Variants in OR1J2 observed in about 807,000 individuals in gnomAD.
The protein encoded by OR1J2 is olfactory receptor 1J2.
For missense variants in OR1J2, 304 were observed against 246.1 expected (o/e 1.24, Z -1.57); for synonymous variants, 142 against 99.7 (o/e 1.42, Z -2.52).
At chr9:122,453,589 G>A in the OR1J2 span, among the ~76,000 whole-genome samples, 1 of 152,140 alleles carries the variant, frequency 6.6e-6, no homozygotes, top group Admixed American at 6.5e-5. Flanking sequence ...CAGTTCCCAG[G>A]GGCTGTTCAG....
At chr9:122,549,915 T>C in the OR1J2 span, among the ~76,000 whole-genome samples, 1 of 152,192 alleles carries the variant, frequency 6.6e-6, no homozygotes, top group Non-Finnish European at 1.5e-5. Flanking sequence ...GGTATTTTGA[T>C]AGGAATTGCA....
chr9:122,577,323 C>A, the OR1J2 span, among the ~76,000 whole-genome samples: 12 of 152,102 alleles, frequency 7.9e-5, no homozygotes, highest in Non-Finnish European at 1.3e-4. Flanking sequence ...TTATTGTAGG[C>A]AGACTTCAAA....
the OR1J2 span, among the ~76,000 whole-genome samples, chr9:122,501,589 A>G: frequency 2.0e-5 from 3 of 152,206 alleles, no homozygotes; most frequent in Non-Finnish European, 4.4e-5. Context: ...ACGTGCCGAG[A>G]GAAAAGAAAG....
chr9:122,553,268 ACT>A, the OR1J2 span: 2 of 1,613,574 alleles, frequency 1.2e-6, no homozygotes, highest in Non-Finnish European at 1.7e-6. Flanking sequence ...TCCTTCTAGG[ACT>A]CTCTGAGTGG....
the OR1J2 span, among the ~76,000 whole-genome samples, chr9:122,460,478 T>C: frequency 2.0e-5 from 3 of 152,196 alleles, no homozygotes; most frequent in Non-Finnish European, 4.4e-5. Context: ...ATATGCCTGT[T>C]TTTATACCAG....
chr9:122,553,538 GT>G, the OR1J2 span: 2 of 1,614,060 alleles, frequency 1.2e-6, no homozygotes, highest in Non-Finnish European at 1.7e-6. Flanking sequence ...TCCTCCTTAT[GT>G]TTGGTGGCCT....
At chr9:122,553,459 A>C in the OR1J2 span, 2 of 1,613,974 alleles carry the variant, frequency 1.2e-6, no homozygotes, top group Non-Finnish European at 8.5e-7. Flanking sequence ...TCCATCCCCA[A>C]AATGCTGGCC....
At chr9:122,474,417 C>T in the OR1J2 span, among the ~76,000 whole-genome samples, 1 of 152,176 alleles carries the variant, frequency 6.6e-6, no homozygotes, top group African/African-American at 2.4e-5. Context: ...TCACTTCCGC[C>T]TGATGTGGGA....
the OR1J2 span, among the ~76,000 whole-genome samples, chr9:122,573,193 T>C: frequency 6.0e-3 from 919 of 152,220 alleles, 15 homozygotes; most frequent in African/African-American, 0.02. Flanking sequence ...CTCAGGGGAG[T>C]TTGTCCTGTG....
At chr9:122,456,061 C>T in the OR1J2 span, among the ~76,000 whole-genome samples, 2 of 152,094 alleles carry the variant, frequency 1.3e-5, no homozygotes, top group African/African-American at 2.4e-5. Context: ...GTTATTTATC[C>T]TTATGCTAGT....
the OR1J2 span, among the ~76,000 whole-genome samples, chr9:122,481,446 A>T: frequency 6.6e-6 from 1 of 152,192 alleles, no homozygotes; most frequent in East Asian, 1.9e-4. Flanking sequence ...TCAACAAAAC[A>T]CTAGTATTCC....
At chr9:122,533,757 C>T in the OR1J2 span, among the ~76,000 whole-genome samples, 1 of 152,020 alleles carries the variant, frequency 6.6e-6, no homozygotes, top group East Asian at 1.9e-4. Context: ...GGAAACAGGC[C>T]CTTGAAAAGA....
At chr9:122,577,064 G>C in the OR1J2 span, among the ~76,000 whole-genome samples, 2 of 152,160 alleles carry the variant, frequency 1.3e-5, no homozygotes, top group African/African-American at 2.4e-5. Context: ...GGCAGGAAAA[G>C]GAGATACTTT....
chr9:122,448,675 G>A, the OR1J2 span, among the ~76,000 whole-genome samples: 1 of 152,240 alleles, frequency 6.6e-6, no homozygotes, highest in South Asian at 2.1e-4. Context: ...GGAGAATGGT[G>A]ATGACTTTTA....
the OR1J2 span, among the ~76,000 whole-genome samples, chr9:122,458,339 G>A: frequency 1.3e-5 from 2 of 152,166 alleles, no homozygotes; most frequent in African/African-American, 4.8e-5. Context: ...TAGTTGAATT[G>A]TGGTGTGCTA....
chr9:122,543,423 G>A, the OR1J2 span, among the ~76,000 whole-genome samples: 1 of 152,150 alleles, frequency 6.6e-6, no homozygotes, highest in Non-Finnish European at 1.5e-5. Context: ...GGCTGGTCTT[G>A]AACTCCTGTG....
chr9:122,570,068 C>A, the OR1J2 span, among the ~76,000 whole-genome samples: 3 of 149,044 alleles, frequency 2.0e-5, no homozygotes, highest in Admixed American at 6.8e-5. Context: ...TTTTCTTAAT[C>A]CAGTCTATCA....
chr9:122,577,116 C>G, the OR1J2 span, among the ~76,000 whole-genome samples: 6 of 152,084 alleles, frequency 3.9e-5, no homozygotes, highest in Non-Finnish European at 7.4e-5. Flanking sequence ...GCATATGCTT[C>G]TAGGAAATAA....
At chr9:122,498,411 T>C in the OR1J2 span, among the ~76,000 whole-genome samples, 1 of 152,348 alleles carries the variant, frequency 6.6e-6, no homozygotes, top group South Asian at 2.1e-4. Context: ...TTTATTCTGC[T>C]TGGTCCAGTC....
Sources: gnomAD v4.1 joint callset for allele counts (sites outside exome capture counted in the v4.1 genomes callset) on GRCh38, gnomAD v4.1.1 for gene constraint, MANE v1.5 for transcripts, NCBI Gene and HGNC (gene_info 2026-07-23, HGNC 2026-07-21) for gene names.